The following ITGA11 variants were observed in gnomAD, a reference collection of about 807,000 sequenced individuals.
ITGA11 encodes integrin alpha-11.
A neutral mutation model predicts 141.9 loss-of-function variants in ITGA11; 97 were observed. The ratio of observed to expected loss-of-function variants is 0.68; its 90% CI spans 0.58 to 0.81. The LOEUF is 0.81. Ranked by LOEUF, ITGA11 falls within the 30% of genes least tolerant of loss-of-function variation. The pLI is 0.00. For synonymous variants in ITGA11, 658 were observed against 624.6 expected (o/e 1.05, Z -0.80); for missense variants, 1,387 against 1,559.2 (o/e 0.89, Z 1.86).
rs1305545780 is a variant in ITGA11 at position 68,304,520 on chromosome 15, G to A, written c.3382-635C>T. 1.3e-5 allele frequency among the ~76,000 whole-genome samples: 2 copies of A among 152,148 alleles called. No individual in the cohort carries two copies. The highest frequency in any genetic ancestry group is 2.4e-5 in the African/African-American group (1 of 41,418). ...TCCCAAAGGCAAAAGTGGCCAGGGC[G>A]TGAAGGTCAGAAAGTAAGCCCAGGC... On this transcript the variant is annotated intron_variant, in intron 28 of 29. Transcript: ENST00000315757. The surrounding 1 kb of genome is among the most constrained non-coding windows in gnomAD (Gnocchi z 6.1).
At position 68,311,091 on chromosome 15, in the gene ITGA11, G is replaced by A; in HGVS notation, c.3088-11C>T. On this transcript the variant is annotated splice_polypyrimidine_tract_variant and intron_variant, in intron 25 of 29. Coordinates refer to ENST00000315757, the MANE Select transcript of ITGA11 (RefSeq NM_001004439.2). ...ACAGGACGTGTTCGCCTACATAAAG[G>A]ACATGGACACACACACACATACACA... The A allele has an allele frequency of 3.1e-6, 5 of 1,594,198 alleles. No individual in the cohort carries two copies. The highest frequency in any genetic ancestry group is 4.3e-6 in the Non-Finnish European group (5 of 1,166,542).
rs148566540 is a variant in ITGA11, at chr15:68,383,164, G to A, written c.165-13880C>T. Among the ~76,000 whole-genome samples the A allele has an allele frequency of 2.7e-3, 410 of 152,188 alleles. 1 individual carries two copies. The highest frequency in any genetic ancestry group is 8.7e-3 in the African/African-American group (361 of 41,506). ...CGGGCACCTGTAGTCCCAGCTAGTC[G>A]GGAGGCTGAGGGAGGAGAATGGCGT... is the stretch of plus-strand genomic sequence containing the variant. On this transcript the variant is annotated intron_variant, in intron 2 of 29. Coordinates refer to ENST00000315757, the MANE Select transcript of ITGA11 (RefSeq NM_001004439.2).
At chr15:68,334,681 C>T (rs1043873442) in intron 12 of ITGA11, among the ~76,000 whole-genome samples, 1 of 152,162 alleles carries the variant, frequency 6.6e-6, no homozygotes, top group Non-Finnish European at 1.5e-5. Flanking sequence ...AAATATGTGG[C>T]CTCAGCTATG....
intron 11 of ITGA11, among the ~76,000 whole-genome samples, chr15:68,338,969 G>A (rs894015450): frequency 1.5e-4 from 23 of 152,220 alleles, no homozygotes; most frequent in African/African-American, 5.3e-4. Context: ...GCTGGAAGGT[G>A]ACTTTGGCCA....
At position 68,303,127 on chromosome 15, in the gene ITGA11, C is replaced by T. The variant is rs370641379; in HGVS notation, c.3499G>A (p.Gly1167Ser). 9.7e-6 allele frequency: 15 copies of T among 1,551,322 alleles called. No homozygotes were observed. In the Admixed American group the frequency reaches 1.2e-4, roughly 12 times the overall value. Residue 1167 changes from glycine (G) to serine (S), a missense_variant, in exon 30 of 30, where the codon GGC (glycine) becomes AGC (serine). Coordinates refer to ENST00000315757, the MANE Select transcript of ITGA11 (RefSeq NM_001004439.2). The surrounding 1 kb of genome is among the most constrained non-coding windows in gnomAD (Gnocchi z 5.3). Reference protein sequence around the residue: ...ALLVLALWKLGFFRSARRRRE... With the variant: ...ALLVLALWKLSFFRSARRRRE... Reference sequence around the variant, plus strand: ...CTGCGCCTGGCACTTCTAAAGAAGCCGAGCTGTGAGGAGGCAAAGGGAGAC... The same window carrying T: ...CTGCGCCTGGCACTTCTAAAGAAGCTGAGCTGTGAGGAGGCAAAGGGAGAC...
chr15:68,412,878 A>G (rs919007451), intron 1 of ITGA11, among the ~76,000 whole-genome samples: 32 of 151,622 alleles, frequency 2.1e-4, no homozygotes, highest in African/African-American at 6.8e-4. Context: ...GTTTCATCAT[A>G]TTGGCCAGGC....
rs1459145603 is a variant in ITGA11 at position 68,326,358 on chromosome 15, C to T, written c.2211+296G>A. On this transcript the variant is annotated intron_variant, in intron 17 of 29. Transcript: ENST00000315757. This position sits in a 1 kb window ranked among gnomAD's most constrained non-coding sequence, Gnocchi z 6.8. ...TCCCTCCCTTTGGGGCTGTGCCCCCCACCAGCTGCTCCTAGTTCTCTCTGC... is the reference window on the plus strand; with the variant it reads ...TCCCTCCCTTTGGGGCTGTGCCCCCTACCAGCTGCTCCTAGTTCTCTCTGC... Among the ~76,000 whole-genome samples the T allele has an allele frequency of 3.9e-5, 6 of 152,192 alleles. No individual in the cohort carries two copies. Among genetic ancestry groups the T allele is most frequent in the Admixed American group, 3.9e-4 (6 of 15,288 alleles).
chr15:68,361,817 A>AGGGGTGAG, intron 4 of ITGA11, 113 bp from the exon 5 acceptor site: 1 of 687,026 alleles, frequency 1.5e-6, no homozygotes, highest in Non-Finnish European at 2.5e-6. Flanking sequence ...CTTCTATCTG[A>AGGGGTGAG]GGGGTGAGGG....
At chr15:68,404,536 C>G (rs185791228) in intron 1 of ITGA11, among the ~76,000 whole-genome samples, 13 of 152,288 alleles carry the variant, frequency 8.5e-5, no homozygotes, top group Admixed American at 4.6e-4. Flanking sequence ...TGGGCCTCCT[C>G]ACATCTGCCA....
chr15:68,382,642 C>T (rs1181969211), intron 2 of ITGA11, among the ~76,000 whole-genome samples: 1 of 152,242 alleles, frequency 6.6e-6, no homozygotes, highest in Non-Finnish European at 1.5e-5. Context: ...GGTTCACAGC[C>T]TCCCTTCCCT....
chr15:68,373,652 T>A (rs1567148934), intron 2 of ITGA11, among the ~76,000 whole-genome samples: 1 of 152,174 alleles, frequency 6.6e-6, no homozygotes, highest in Non-Finnish European at 1.5e-5. Context: ...CCAGCTGCAG[T>A]GATTGAGTCA....
intron 2 of ITGA11, among the ~76,000 whole-genome samples, chr15:68,389,286 A>G (rs1343750779): frequency 6.6e-6 from 1 of 152,228 alleles, no homozygotes; most frequent in African/African-American, 2.4e-5. Context: ...GGGTTCTGTG[A>G]ACATACGCCT....
intron 2 of ITGA11, among the ~76,000 whole-genome samples, chr15:68,391,690 A>G: frequency 6.6e-6 from 1 of 152,210 alleles, no homozygotes; most frequent in East Asian, 1.9e-4. Context: ...CTTCATGGAG[A>G]AAGTAGCCTC....
intron 1 of ITGA11, among the ~76,000 whole-genome samples, chr15:68,419,164 G>C (rs1253635496): frequency 6.6e-6 from 1 of 152,170 alleles, no homozygotes; most frequent in African/African-American, 2.4e-5. Context: ...TAGGCTTGGT[G>C]GGGATGGCGG....
At chr15:68,418,312 A>G (rs1239271639) in intron 1 of ITGA11, among the ~76,000 whole-genome samples, 7 of 152,212 alleles carry the variant, frequency 4.6e-5, no homozygotes, top group Admixed American at 3.9e-4. Context: ...CTAACCTTCC[A>G]ATAAGGGGTT....
At chr15:68,400,591 A>G (rs1896446982) in intron 2 of ITGA11, among the ~76,000 whole-genome samples, 1 of 104,958 alleles carries the variant, frequency 9.5e-6, no homozygotes, top group Non-Finnish European at 1.8e-5. Flanking sequence ...TATATTTTAT[A>G]TATTATATAT....
At chr15:68,310,887 A>C (rs1302865263) in intron 26 of ITGA11, 107 bp downstream of exon 26, 8 of 804,836 alleles carry the variant, frequency 9.9e-6, no homozygotes, top group Non-Finnish European at 1.6e-5. Flanking sequence ...GGTGCTCAGT[A>C]AGCTCTTATT....
chr15:68,404,567 T>G (rs1209667285), intron 1 of ITGA11, among the ~76,000 whole-genome samples: 1 of 152,144 alleles, frequency 6.6e-6, no homozygotes, highest in East Asian at 1.9e-4. Context: ...TCACAGGACC[T>G]TGGAGAATGA....
In ITGA11 at chr15:68,302,831, TA is replaced by T; in HGVS notation, c.*227del. The stretch of plus-strand genomic sequence containing the variant: ...GTGTAGGGGTGTCCCTTTAAATCCC[TA>T]GGGGTCTGTGTTAAAGGTGTCCCAG... On this transcript the variant is annotated 3_prime_UTR_variant, in exon 30 of 30. Transcript: ENST00000315757. 1.9e-6 allele frequency: 1 copy of T among 533,776 alleles called. No homozygotes were observed. Among genetic ancestry groups the T allele is most frequent in the South Asian group, 2.6e-5 (1 of 37,908 alleles). The allele number at this position is 533,776 out of a possible 1,614,324, so 33.1% of individuals were successfully genotyped here.
Sources: gnomAD v4.1 joint callset for allele counts (sites outside exome capture counted in the v4.1 genomes callset) on GRCh38, gnomAD v4.1.1 for gene constraint, Gnocchi (gnomAD v3.1) non-coding constraint, MANE v1.5 for transcripts, NCBI Gene and HGNC (gene_info 2026-07-23, HGNC 2026-07-21) for gene names.